The following C4BPA variants were observed in gnomAD, a reference collection of about 807,000 sequenced individuals.
C4BPA encodes the protein complement component 4 binding protein alpha, also known as C4b-binding protein alpha chain.
C4BPA carries 31 observed loss-of-function variants against 63.7 expected under a neutral mutation model. That is an observed-to-expected ratio of 0.49 (90% confidence interval 0.37 to 0.66). The LOEUF (loss-of-function observed/expected upper bound fraction) is 0.66, where lower values mean the gene tolerates loss of function less well. C4BPA is among the 30% of genes least tolerant of loss of function. C4BPA has a pLI of 0.00. For synonymous variants in C4BPA, 259 were observed against 254.7 expected (o/e 1.02, Z -0.16); for missense variants, 572 against 723.3 (o/e 0.79, Z 2.40).
At chr1:207,139,351 G>C (rs938021428) in intron 9 of C4BPA, among the ~76,000 whole-genome samples, 3 of 152,256 alleles carry the variant, frequency 2.0e-5, no homozygotes, top group Admixed American at 2.0e-4. Context: ...AATATCACAG[G>C]GATGACCACT....
intron 10 of C4BPA, among the ~76,000 whole-genome samples, chr1:207,141,885 G>T (rs907597051): frequency 4.6e-5 from 7 of 152,118 alleles, no homozygotes; most frequent in African/African-American, 1.7e-4. Flanking sequence ...TGCCATCATT[G>T]TTTCTTTTGT....
chr1:207,115,304 T>A (rs1684761150), intron 3 of C4BPA, 112 bp from the exon 4 acceptor site: 1 of 605,762 alleles, frequency 1.7e-6, no homozygotes, highest in Non-Finnish European at 2.9e-6. Flanking sequence ...TGAATCTAAA[T>A]CTCTCTGTGT....
chr1:207,120,952 G>A (rs1684909404), intron 4 of C4BPA, among the ~76,000 whole-genome samples: 2 of 152,188 alleles, frequency 1.3e-5, no homozygotes, highest in Non-Finnish European at 2.9e-5. Context: ...AGGCCTACAG[G>A]CATGTGCCAT....
At chr1:207,136,333 C>T (rs915841877) in intron 9 of C4BPA, among the ~76,000 whole-genome samples, 11 of 152,200 alleles carry the variant, frequency 7.2e-5, no homozygotes, top group Admixed American at 3.3e-4. Flanking sequence ...GACTTTTTTA[C>T]TTGGTTGTTT....
chr1:207,123,986 C>T lies in C4BPA; in HGVS notation c.493C>T (p.His165Tyr), dbSNP rs1684974705. Residue 165 changes from histidine to tyrosine, a missense_variant, in exon 5 of 12, where the codon CAT (histidine) becomes TAT (tyrosine). By Grantham distance (83) the His-to-Tyr change is moderately conservative (BLOSUM62 2). Around this residue, in one of 2 missense-constraint regions of C4BPA, gnomAD observed 465 missense variants for 629.4 expected, o/e 0.74. Transcript: ENST00000367070. ...CCAAGATAGAGGAGTTGGCTGGAGT[C>T]ATCCTCTCCCACAATGTGAAAGTAA... ...EVQDRGVGWS[H>Y]PLPQCEIVKC... 1.2e-6 allele frequency: 2 copies of T among 1,609,740 alleles called. No individual in the cohort carries two copies. The highest frequency in any genetic ancestry group is 8.5e-7 in the Non-Finnish European group (1 of 1,176,920).
chr1:207,117,087 T>G (rs1684813932), intron 4 of C4BPA, among the ~76,000 whole-genome samples: 1 of 152,202 alleles, frequency 6.6e-6, no homozygotes, highest in Non-Finnish European at 1.5e-5. Context: ...TTCCTGACAG[T>G]ATGTATTTAT....
chr1:207,115,666 G>A (rs565292496), intron 4 of C4BPA, 151 bp downstream of exon 4: 25 of 468,934 alleles, frequency 5.3e-5, no homozygotes, highest in Admixed American at 4.5e-5. Flanking sequence ...ATTCCTTCCC[G>A]TCCTCAAGCA....
chr1:207,127,027 CTTTA>C, intron 7 of C4BPA, 132 bp downstream of exon 7: 1 of 656,092 alleles, frequency 1.5e-6, no homozygotes, highest in South Asian at 2.4e-5. Flanking sequence ...CAATAATTTC[CTTTA>C]TTTTTTTCTT....
chr1:207,117,378 G>A (rs2102334939), intron 4 of C4BPA, among the ~76,000 whole-genome samples: 1 of 152,292 alleles, frequency 6.6e-6, no homozygotes, highest in South Asian at 2.1e-4. Context: ...TTGAGCCTGG[G>A]AGGTCGAGGC....
chr1:207,144,487 C>A, intron 11 of C4BPA, 57 bp from the exon 12 acceptor site: 2 of 1,465,236 alleles, frequency 1.4e-6, no homozygotes, highest in Middle Eastern at 2.6e-4. Context: ...AGGATCCACC[C>A]TCCTTTATGA....
chr1:207,142,424 G>T (rs945745703), intron 10 of C4BPA, among the ~76,000 whole-genome samples: 3 of 151,936 alleles, frequency 2.0e-5, no homozygotes, highest in Non-Finnish European at 4.4e-5. Flanking sequence ...TAATCCTTTG[G>T]GTATATGCCC....
chr1:207,107,176 T>G (rs970934353), intron 1 of C4BPA, among the ~76,000 whole-genome samples: 4 of 152,130 alleles, frequency 2.6e-5, no homozygotes, highest in South Asian at 2.1e-4. Context: ...AGTAAAGGAA[T>G]AGTGAGTAAA....
At chr1:207,125,784 A>G (rs1685026483) in intron 6 of C4BPA, among the ~76,000 whole-genome samples, 1 of 152,224 alleles carries the variant, frequency 6.6e-6, no homozygotes, top group Admixed American at 6.5e-5. Context: ...AGCAGCAGGA[A>G]CAGACTAAGA....
At chr1:207,127,407 A>G (rs184594870) in intron 7 of C4BPA, 1 of 152,248 alleles carries the variant, frequency 6.6e-6, no homozygotes, top group African/African-American at 2.4e-5. Context: ...ACTTGGCACT[A>G]GACTAGGTGC....
Position 207,114,264 on chromosome 1 carries a change from G to T in C4BPA, c.307G>T (p.Val103Leu), listed in dbSNP as rs753511286. The change falls in exon 3 of 12, where the codon GTG becomes TTG. Residue 103 changes from valine to leucine, a missense_variant. By Grantham distance (32) the Val-to-Leu change is conservative (BLOSUM62 1). Transcript: ENST00000367070. ...TACCTGTAATTCTGATGGCGAATGG[G>T]TGTATAACACCTTCTGTATCTGTAA... The part of the protein sequence containing the change: ...TLTCNSDGEW[V>L]YNTFCIYKRC... 2.5e-6 allele frequency: 4 copies of T among 1,612,506 alleles called. No homozygotes were observed. Among genetic ancestry groups the T allele is most frequent in the Non-Finnish European group, 1.7e-6 (2 of 1,178,922 alleles).
intron 1 of C4BPA, among the ~76,000 whole-genome samples, chr1:207,110,266 AAG>A (rs1365528423): frequency 1.3e-5 from 2 of 152,190 alleles, no homozygotes; most frequent in African/African-American, 4.8e-5. Flanking sequence ...AAAGAGGAAA[AAG>A]AGAGAGGGTA....
At position 207,133,639 on chromosome 1, in the gene C4BPA, T is replaced by C. The variant is rs371913041; in HGVS notation, c.1085-765T>C. 3.7e-4 allele frequency among the ~76,000 whole-genome samples: 56 copies of C among 152,284 alleles called. 1 individual carries two copies. Among genetic ancestry groups the C allele is most frequent in the South Asian group, 2.1e-4 (1 of 4,822 alleles). ...CTTAGTGGGTGTGGTGGCACACACC[T>C]GTAGTCCCAGCTACTCAGGAGGCTT... On this transcript the variant is annotated intron_variant, in intron 8 of 11. Transcript: ENST00000367070.
Position 207,123,951 on chromosome 1 carries a change from G to T in C4BPA, c.458G>T (p.Arg153Leu), listed in dbSNP as rs776261082. ...TTCTTAATTGGCTCAACCACTAGTC[G>T]TTGTGAAGTCCAAGATAGAGGAGTT... The part of the protein sequence containing the change: ...GFFLIGSTTS[R>L]CEVQDRGVGW... Residue 153 changes from arginine to leucine, a missense_variant, in exon 5 of 12, where the codon CGT becomes CTT. This residue lies in a region of C4BPA where 465 missense variants were observed against 629.4 expected (regional missense o/e 0.74). Transcript: ENST00000367070. 6.2e-7 allele frequency: 1 copy of T among 1,611,114 alleles called. No individual in the cohort carries two copies. Among genetic ancestry groups the T allele is most frequent in the South Asian group, 1.1e-5 (1 of 90,732 alleles).
intron 4 of C4BPA, among the ~76,000 whole-genome samples, chr1:207,121,266 CTT>C (rs1232890992): frequency 6.6e-6 from 1 of 151,782 alleles, no homozygotes; most frequent in Non-Finnish European, 1.5e-5. Context: ...GATTATTTTT[CTT>C]GTCTCATATA....
Sources: allele counts gnomAD v4.1 joint callset (sites outside exome capture counted in the v4.1 genomes callset), GRCh38; gene constraint gnomAD v4.1.1; regional missense constraint gnomAD v4.1.1; transcripts MANE v1.5; gene names NCBI Gene and HGNC (gene_info 2026-07-23, HGNC 2026-07-21).